ACSBG1: variants seen among roughly 807,000 people sequenced by gnomAD.
ACSBG1 encodes the protein long-chain-fatty-acid--CoA ligase ACSBG1.
A neutral mutation model predicts 80.2 loss-of-function variants in ACSBG1; 39 were observed. That is an observed-to-expected ratio of 0.49 (90% confidence interval 0.38 to 0.64). The LOEUF (loss-of-function observed/expected upper bound fraction) is 0.64. Among genes scored for constraint, ACSBG1 ranks in the 30% least tolerant of loss-of-function variants. The probability of loss-of-function intolerance (pLI) is 0.00; values close to 1 mark genes in which losing one functional copy is unlikely to be tolerated. For synonymous variants in ACSBG1, 392 were observed against 379.5 expected (o/e 1.03, Z -0.38); for missense variants, 828 against 966.4 (o/e 0.86, Z 1.90).
At position 78,173,669 on chromosome 15, in the gene ACSBG1, G is replaced by A. The variant is rs138480953; in HGVS notation, c.2013C>T (p.Asn671=). Residue 671 remains asparagine (N), a synonymous_variant, in exon 13 of 14, where the codon AAC becomes AAT. Transcript: ENST00000258873. ...GGATGTGGTAGGGCCGGGCCGCCGCGTTCATGTTGACCCTCCGGATCCCCT... is the reference window on the plus strand; with the variant it reads ...GGATGTGGTAGGGCCGGGCCGCCGCATTCATGTTGACCCTCCGGATCCCCT... ...IEEGIRRVNM[N]AAARPYHIQK... 2,290 of 1,614,194 alleles carry A rather than the reference G, an allele frequency of 1.4e-3. 33 individuals carry two copies. The African/African-American group carries it at 0.027, about 19-fold the overall frequency.
chr15:78,227,786 T>C (rs777348452), intron 1 of ACSBG1, among the ~76,000 whole-genome samples: 11 of 152,176 alleles, frequency 7.2e-5, no homozygotes, highest in Non-Finnish European at 1.6e-4. Flanking sequence ...AGCCACACAA[T>C]GGAATTCTAC....
chr15:78,179,302 G>T (rs1033898674), intron 10 of ACSBG1, among the ~76,000 whole-genome samples: 2 of 152,170 alleles, frequency 1.3e-5, no homozygotes, highest in Admixed American at 6.5e-5. Flanking sequence ...CCTGGGCTAT[G>T]CAGGCTGTTT....
At chr15:78,179,056 T>C (rs949944871) in intron 10 of ACSBG1, 3 of 571,320 alleles carry the variant, frequency 5.3e-6, no homozygotes, top group Non-Finnish European at 9.3e-6. Context: ...ATGGTAGAAC[T>C]TGGAGCACTG....
chr15:78,209,711 T>C (rs559063225), intron 1 of ACSBG1, among the ~76,000 whole-genome samples: 3 of 152,256 alleles, frequency 2.0e-5, no homozygotes, highest in African/African-American at 7.2e-5. Context: ...ACTTGGTTGA[T>C]GTCCCTGCCC....
At position 78,174,452 on chromosome 15, in the gene ACSBG1, G is replaced by C. The variant is rs200213996; in HGVS notation, c.1775C>G (p.Pro592Arg). The change falls in exon 12 of 14, where the codon CCC (proline) becomes CGC (arginine). Residue 592 changes from proline (P) to arginine (R), a missense_variant. Pro to Arg is a moderately radical substitution (Grantham distance 103). Around this residue, in one of 3 missense-constraint regions of ACSBG1, gnomAD observed 201 missense variants for 227.0 expected, o/e 0.89. Coordinates refer to ENST00000258873, the MANE Select transcript of ACSBG1 (RefSeq NM_015162.5). ...PIEEAVKMEL[P>R]IISNAMLIGD... ...AATGAGCATGGCGTTGCTGATGATG[G>C]GCAGCTCCATCTTCACGGCCTCCTC... is the stretch of plus-strand genomic sequence containing the variant. 1.2e-6 allele frequency: 2 copies of C among 1,614,138 alleles called. No individual in the cohort carries two copies. The highest frequency in any genetic ancestry group is 1.7e-6 in the Non-Finnish European group (2 of 1,180,012).
intron 1 of ACSBG1, among the ~76,000 whole-genome samples, chr15:78,215,531 C>T (rs545849374): frequency 3.9e-5 from 6 of 152,206 alleles, no homozygotes; most frequent in African/African-American, 1.4e-4. Flanking sequence ...TGGTGCATGC[C>T]TGTAATCCCA....
rs1210788885 is a variant in ACSBG1 at position 78,194,512 on chromosome 15, G to A, written c.447C>T (p.Phe149=). The change falls in exon 3 of 14, where the codon TTC becomes TTT. Residue 149 remains phenylalanine, a synonymous_variant. Coordinates refer to ENST00000258873, the MANE Select transcript of ACSBG1 (RefSeq NM_015162.5). The stretch of plus-strand genomic sequence containing the variant: ...CCATGAGGGGCCCCCTTACCTTCAG[G>A]AAGCCCTTGGCGGCTCTGCGGGCGA... ...YLLARRAAKG[F]LKLGLKQAHS... 3.7e-6 allele frequency: 6 copies of A among 1,614,082 alleles called. No homozygotes were observed. Among genetic ancestry groups the A allele is most frequent in the African/African-American group, 1.3e-5 (1 of 75,072 alleles).
intron 2 of ACSBG1, 77 bp downstream of exon 2, chr15:78,207,925 A>ACCACCCCCCCCACCAGC: frequency 2.2e-6 from 1 of 454,978 alleles, no homozygotes. Context: ...GGTCCCCCAC[A>ACCACCCCCCCCACCAGC]CCACCCACCC....
At chr15:78,176,065 A>G (rs1427606891) in intron 11 of ACSBG1, among the ~76,000 whole-genome samples, 5 of 112,696 alleles carry the variant, frequency 4.4e-5, no homozygotes, top group Non-Finnish European at 9.2e-5. Context: ...TTTTTTTAAG[A>G]TTTAATAATT....
chr15:78,205,556 G>A (rs557181848), intron 2 of ACSBG1, among the ~76,000 whole-genome samples: 1 of 152,328 alleles, frequency 6.6e-6, no homozygotes, highest in East Asian at 1.9e-4. Context: ...TACCAGCTGT[G>A]TGACTCTGAG....
chr15:78,223,830 C>T (rs2075378406), intron 1 of ACSBG1, among the ~76,000 whole-genome samples: 1 of 152,176 alleles, frequency 6.6e-6, no homozygotes, highest in African/African-American at 2.4e-5. Context: ...AATTCAATCA[C>T]ATGTATTCTT....
rs761529617 is a variant in ACSBG1 at position 78,169,026 on chromosome 15, A to T, written c.*2418T>A. Reference sequence around the variant, plus strand: ...ATTAACACTTCTACAACTGGCATTTACATCAGTCACTCTAAATGGACACCA... The same window carrying T: ...ATTAACACTTCTACAACTGGCATTTTCATCAGTCACTCTAAATGGACACCA... On this transcript the variant is annotated 3_prime_UTR_variant, in exon 14 of 14. Coordinates refer to ENST00000258873, the MANE Select transcript of ACSBG1 (RefSeq NM_015162.5). 8.2e-6 allele frequency: 12 copies of T among 1,464,734 alleles called. No individual in the cohort carries two copies. In the Admixed American group the frequency reaches 1.2e-4, roughly 14 times the overall value. 90.7% of individuals were successfully genotyped at this position (1,464,734 alleles called of 1,614,324 possible).
rs1400497228 is a variant in ACSBG1 at position 78,179,663 on chromosome 15, T to C, written c.1371A>G (p.Ala457=). 1 of 1,614,186 alleles carries C rather than the reference T, an allele frequency of 6.2e-7. No homozygotes were observed. Among genetic ancestry groups the C allele is most frequent in the South Asian group, 1.1e-5 (1 of 91,084 alleles). Residue 457 remains alanine, a synonymous_variant, in exon 10 of 14, where the codon GCA becomes GCG. Transcript: ENST00000258873. ...KNFYGAAPMM[A]ETQHFFLGLN... ...GACCCAGGAAGAAGTGCTGTGTCTC[T>C]GCCATCATGGGGGCCGCTCCATAGA...
Position 78,174,496 on chromosome 15 carries a change from A to G in ACSBG1, c.1731T>C (p.Asn577=), listed in dbSNP as rs1205030232. 2 of 1,614,146 alleles carry G rather than the reference A, an allele frequency of 1.2e-6. No individual in the cohort carries two copies. Among genetic ancestry groups the G allele is most frequent in the Non-Finnish European group, 1.7e-6 (2 of 1,180,024 alleles). ...KELIITAGGE[N]VPPVPIEEAV... ...CCTCCTCGATGGGCACAGGGGGCAC[A>G]TTCTCCCCACCAGCTGTGATGATTA... The change falls in exon 12 of 14, where the codon AAT becomes AAC. Residue 577 remains asparagine, a synonymous_variant. Coordinates refer to ENST00000258873, the MANE Select transcript of ACSBG1 (RefSeq NM_015162.5).
At chr15:78,195,878 T>C (rs970315839) in intron 2 of ACSBG1, among the ~76,000 whole-genome samples, 1 of 152,132 alleles carries the variant, frequency 6.6e-6, no homozygotes, top group Non-Finnish European at 1.5e-5. Flanking sequence ...TCACCGGTCC[T>C]TCCCTGAGGC....
At position 78,214,229 on chromosome 15, in the gene ACSBG1, C is replaced by G. The variant is rs530548170; in HGVS notation, c.132-6127G>C. Among the ~76,000 whole-genome samples the G allele has an allele frequency of 6.6e-5, 10 of 152,318 alleles. No homozygotes were observed. In the East Asian group the frequency reaches 1.9e-3, roughly 29 times the overall value. ...AGCCCCCACCAGCATTTTCCTGCTT[C>G]CTGGAGTTTCCTGGGGGCTGTCCCT... On this transcript the variant is annotated intron_variant, in intron 1 of 13. Coordinates refer to ENST00000258873, the MANE Select transcript of ACSBG1 (RefSeq NM_015162.5).
At chr15:78,204,166 C>A (rs2075192890) in intron 2 of ACSBG1, among the ~76,000 whole-genome samples, 1 of 152,324 alleles carries the variant, frequency 6.6e-6, no homozygotes, top group Admixed American at 6.5e-5. Flanking sequence ...AGCAGAATGA[C>A]CCTGGGCCTC....
At chr15:78,181,059 C>A in intron 8 of ACSBG1, 123 bp from the exon 9 acceptor site, 1 of 1,111,444 alleles carries the variant, frequency 9.0e-7, no homozygotes, top group Non-Finnish European at 1.2e-6. Context: ...CACACACCTG[C>A]ACGCAAGGGT....
At chr15:78,216,279 G>A (rs746639761) in intron 1 of ACSBG1, among the ~76,000 whole-genome samples, 1 of 152,152 alleles carries the variant, frequency 6.6e-6, no homozygotes, top group Non-Finnish European at 1.5e-5. Context: ...TCCCTGCCTC[G>A]AAGATTTAGA....
Sources: allele counts gnomAD v4.1 joint callset (sites outside exome capture counted in the v4.1 genomes callset), GRCh38; gene constraint gnomAD v4.1.1; regional missense constraint gnomAD v4.1.1; transcripts MANE v1.5; gene names NCBI Gene and HGNC (gene_info 2026-07-23, HGNC 2026-07-21).